STK3: variants seen among roughly 807,000 people sequenced by gnomAD.
The protein encoded by STK3 is serine/threonine-protein kinase 3.
STK3 carries 41 observed loss-of-function variants against 58.0 expected under a neutral mutation model. The ratio of observed to expected loss-of-function variants is 0.71; its 90% CI spans 0.55 to 0.92. The LOEUF is 0.92. STK3 is among the 40% of genes least tolerant of loss of function. STK3 has a pLI of 0.00. For missense variants in STK3, 479 were observed against 602.7 expected (o/e 0.79, Z 2.15); for synonymous variants, 170 against 191.0 (o/e 0.89, Z 0.91).
intron 4 of STK3, among the ~76,000 whole-genome samples, chr8:98,711,757 C>T (rs1040879465): frequency 6.6e-6 from 1 of 152,178 alleles, no homozygotes; most frequent in Non-Finnish European, 1.5e-5. Context: ...AGGCAGGCTA[C>T]CATTGAAATT....
chr8:98,431,453 T>G (rs1818327828), intron 3 of STK3: 1 of 167,114 alleles, frequency 6.0e-6, no homozygotes, highest in Non-Finnish European at 1.5e-5. Flanking sequence ...AACACTTAGA[T>G]TTGGCTGGTG....
chr8:98,657,452 A>G (rs992304277), intron 6 of STK3, among the ~76,000 whole-genome samples: 1 of 152,122 alleles, frequency 6.6e-6, no homozygotes, highest in Non-Finnish European at 1.5e-5. Context: ...AGATAATGAA[A>G]GGAAATGAGG....
At chr8:98,528,766 C>T (rs1825933826) in intron 9 of STK3, among the ~76,000 whole-genome samples, 1 of 152,150 alleles carries the variant, frequency 6.6e-6, no homozygotes, top group Admixed American at 6.6e-5. Context: ...TGATGGGCAA[C>T]TGTAAGTTAC....
At chr8:98,655,954 A>G (rs1400085986) in intron 6 of STK3, among the ~76,000 whole-genome samples, 1 of 152,222 alleles carries the variant, frequency 6.6e-6, no homozygotes, top group Admixed American at 6.5e-5. Context: ...TAGAACTAGA[A>G]ATACCATTGA....
At chr8:98,501,016 A>G (rs1823545399) in intron 10 of STK3, among the ~76,000 whole-genome samples, 1 of 152,110 alleles carries the variant, frequency 6.6e-6, no homozygotes, top group Non-Finnish European at 1.5e-5. Flanking sequence ...ACTAGTTTAC[A>G]CTCCCAGCAA....
At chr8:98,664,953 G>T (rs1443461280) in intron 6 of STK3, among the ~76,000 whole-genome samples, 1 of 151,688 alleles carries the variant, frequency 6.6e-6, no homozygotes, top group Non-Finnish European at 1.5e-5. Context: ...ACTAAAAACA[G>T]TCTTAGAAAC....
intron 1 of STK3, among the ~76,000 whole-genome samples, chr8:98,922,723 A>G (rs993407753): frequency 1.3e-5 from 2 of 152,238 alleles, no homozygotes; most frequent in Non-Finnish European, 2.9e-5. Context: ...ATTTACTTGC[A>G]TATTTAAACT....
At chr8:98,591,793 G>C (rs1697350986) in intron 7 of STK3, among the ~76,000 whole-genome samples, 1 of 152,170 alleles carries the variant, frequency 6.6e-6, no homozygotes, top group South Asian at 2.1e-4. Flanking sequence ...AAGTATATTG[G>C]CTTTTCTTAA....
At chr8:98,593,442 T>C (rs1815509885) in intron 7 of STK3, among the ~76,000 whole-genome samples, 1 of 152,218 alleles carries the variant, frequency 6.6e-6, no homozygotes, top group Admixed American at 6.5e-5. Context: ...AGTTAAACTA[T>C]GATTTAAATT....
In STK3 at chr8:98,416,989, ACTC is replaced by A. The variant is rs1005846207; in HGVS notation, n.484-15479_484-15477del. ...CCAGCCAGATGGCAGAATCCAGGGG[ACTC>A]CTCCTGAGAACAGCTGTGACCCTTC... is the stretch of plus-strand genomic sequence containing the variant. On this transcript the variant is annotated intron_variant and non_coding_transcript_variant, in intron 3 of 3. Transcript: ENST00000517832. Among the ~76,000 whole-genome samples the A allele has an allele frequency of 1.4e-4, 21 of 151,980 alleles. 1 individual carries two copies. Among genetic ancestry groups the A allele is most frequent in the Admixed American group, 8.5e-4 (13 of 15,260 alleles).
chr8:98,550,062 G>C (rs1194602863), intron 8 of STK3, among the ~76,000 whole-genome samples: 1 of 150,506 alleles, frequency 6.6e-6, no homozygotes, highest in African/African-American at 2.5e-5. Flanking sequence ...ATTACGCACG[G>C]AAATTCATTT....
intron 4 of STK3, among the ~76,000 whole-genome samples, chr8:98,713,389 C>G (rs1289062397): frequency 1.3e-5 from 2 of 150,416 alleles, no homozygotes; most frequent in African/African-American, 4.9e-5. Context: ...GCTAGCAAGA[C>G]TAATAGAAAA....
chr8:98,368,532 A>G (rs1486812591), downstream of STK3, among the ~76,000 whole-genome samples: 1 of 152,154 alleles, frequency 6.6e-6, no homozygotes, highest in African/African-American at 2.4e-5. Flanking sequence ...AACCCCTAAC[A>G]CATGGCAGGT....
chr8:98,786,327 A>G (rs1587617766), intron 1 of STK3, among the ~76,000 whole-genome samples: 1 of 152,226 alleles, frequency 6.6e-6, no homozygotes, highest in Non-Finnish European at 1.5e-5. Flanking sequence ...TAGGAAGACC[A>G]TTTGAGCCAA....
intron 4 of STK3, among the ~76,000 whole-genome samples, chr8:98,745,793 C>A (rs1829600593): frequency 6.6e-6 from 1 of 152,068 alleles, no homozygotes; most frequent in Admixed American, 6.6e-5. Context: ...GATCAACCCT[C>A]AAAAGTACAG....
At chr8:98,542,593 C>T (rs993597444) in intron 9 of STK3, among the ~76,000 whole-genome samples, 2 of 152,140 alleles carry the variant, frequency 1.3e-5, no homozygotes, top group Admixed American at 6.5e-5. Context: ...CTCGATAGCT[C>T]AGCATCTCTG....
At chr8:98,790,876 T>C (rs1245906554) in intron 1 of STK3, among the ~76,000 whole-genome samples, 1 of 151,344 alleles carries the variant, frequency 6.6e-6, no homozygotes, top group Non-Finnish European at 1.5e-5. Flanking sequence ...CCCAGCTACT[T>C]GGGAGGCTGA....
At chr8:98,831,166 A>G (rs1256953344) in intron 3 of STK3, among the ~76,000 whole-genome samples, 1 of 152,164 alleles carries the variant, frequency 6.6e-6, no homozygotes, top group African/African-American at 2.4e-5. Context: ...CAAAAAGCAT[A>G]CGTTCTTTGT....
At chr8:98,879,117 G>A (rs903944273), downstream of STK3, 1 of 152,064 alleles carries the variant, frequency 6.6e-6, no homozygotes, top group Non-Finnish European at 1.5e-5. Context: ...CACGGATATT[G>A]AAGTCCCTAA....
Sources: allele counts gnomAD v4.1 joint callset (sites outside exome capture counted in the v4.1 genomes callset), GRCh38; gene constraint gnomAD v4.1.1; transcripts MANE v1.5; gene names NCBI Gene and HGNC (gene_info 2026-07-23, HGNC 2026-07-21).